XKR9: variants seen among roughly 807,000 people sequenced by gnomAD.
XKR9 encodes the protein XK related 9.
In XKR9, 32 loss-of-function variants were observed where a neutral mutation model predicts 32.0. That is an observed-to-expected ratio of 1.00 (90% confidence interval 0.76 to 1.34). The LOEUF (loss-of-function observed/expected upper bound fraction) is 1.34. Ranked by LOEUF, XKR9 falls within the 40% of genes most tolerant of loss-of-function variation. The probability of loss-of-function intolerance (pLI) is 0.00; values close to 1 mark genes in which losing one functional copy is unlikely to be tolerated. For missense variants in XKR9, 546 were observed against 429.7 expected, an observed-to-expected ratio of 1.27 and a Z score of -2.39; for synonymous variants, 168 against 143.4, an observed-to-expected ratio of 1.17 and a Z score of -1.22.
chr8:70,971,449 A>G, the XKR9 span, among the ~76,000 whole-genome samples: 2 of 152,278 alleles, frequency 1.3e-5, no homozygotes, highest in Admixed American at 1.3e-4. Context: ...TTTGCTGTGC[A>G]GAAAGTTTTC....
the XKR9 span, among the ~76,000 whole-genome samples, chr8:71,045,129 A>G: frequency 6.6e-6 from 1 of 152,164 alleles, no homozygotes. Context: ...ATACTCTTTT[A>G]TTTCCAACAC....
chr8:70,845,288 T>C, the XKR9 span, among the ~76,000 whole-genome samples: 1 of 152,304 alleles, frequency 6.6e-6, no homozygotes, highest in African/African-American at 2.4e-5. Flanking sequence ...CAGGAAAAAG[T>C]CATCCCCTGT....
chr8:70,886,422 G>T, the XKR9 span, among the ~76,000 whole-genome samples: 1 of 152,150 alleles, frequency 6.6e-6, no homozygotes, highest in Admixed American at 6.5e-5. Context: ...GGGTTGCTGG[G>T]TCAAATGGTA....
At chr8:70,897,762 G>T in the XKR9 span, among the ~76,000 whole-genome samples, 1 of 151,970 alleles carries the variant, frequency 6.6e-6, no homozygotes, top group Non-Finnish European at 1.5e-5. Context: ...GAGCTATTCT[G>T]GTTATTACTC....
chr8:70,718,231 G>T (rs1001783350), intron 4 of XKR9, among the ~76,000 whole-genome samples: 4 of 151,930 alleles, frequency 2.6e-5, no homozygotes, highest in African/African-American at 9.7e-5. Flanking sequence ...CTGTTACCCA[G>T]TTCCAAAGTC....
At chr8:70,704,420 G>T (rs13252808) in intron 3 of XKR9, among the ~76,000 whole-genome samples, 5 of 151,862 alleles carry the variant, frequency 3.3e-5, no homozygotes, top group African/African-American at 7.3e-5. Flanking sequence ...TTGTTTTTAA[G>T]AGACACTTAA....
the XKR9 span, among the ~76,000 whole-genome samples, chr8:70,971,918 G>A: frequency 6.6e-6 from 1 of 151,980 alleles, no homozygotes; most frequent in African/African-American, 2.4e-5. Flanking sequence ...TGTTCTTTTT[G>A]GTTAGTATTG....
chr8:70,741,162 C>G (rs1806967526), intron 2 of XKR9, among the ~76,000 whole-genome samples: 2 of 152,146 alleles, frequency 1.3e-5, no homozygotes, highest in South Asian at 4.1e-4. Context: ...CCTAAGCAAG[C>G]CTGGGCAATG....
chr8:70,683,058 T>C (rs1819138269), intron 3 of XKR9, among the ~76,000 whole-genome samples: 1 of 152,236 alleles, frequency 6.6e-6, no homozygotes, highest in East Asian at 1.9e-4. Context: ...AACCTCTTGT[T>C]CTGAGTAATA....
At chr8:70,824,752 T>A in the XKR9 span, among the ~76,000 whole-genome samples, 2 of 152,170 alleles carry the variant, frequency 1.3e-5, no homozygotes, top group African/African-American at 4.8e-5. Context: ...AAATAGTGTC[T>A]AGTGAATATC....
At position 70,681,312 on chromosome 8, in the gene XKR9, A is replaced by G. The variant is rs748250359; in HGVS notation, c.254A>G (p.Gln85Arg). ...TGTTTTCTTCTACTTCATTGCTTGC[A>G]AGGAGGAGTTTTTACAAGGTGAGCA... Reference protein sequence around the residue: ...QHCFLLLHCLQGGVFTRYWFA... With the variant: ...QHCFLLLHCLRGGVFTRYWFA... Residue 85 changes from glutamine to arginine, a missense_variant, in exon 3 of 5, where the codon CAA becomes CGA. Gln to Arg is a conservative substitution (Grantham distance 43). Coordinates refer to ENST00000408926, the MANE Select transcript of XKR9 (RefSeq NM_001011720.2). 3 of 1,612,214 alleles carry G rather than the reference A, an allele frequency of 1.9e-6. No individual in the cohort carries two copies. The highest frequency in any genetic ancestry group is 2.2e-5 in the East Asian group (1 of 44,760).
chr8:70,883,578 C>T, the XKR9 span, among the ~76,000 whole-genome samples: 1 of 152,052 alleles, frequency 6.6e-6, no homozygotes, highest in Non-Finnish European at 1.5e-5. Context: ...AACCACTGAT[C>T]TTTCCATTGT....
chr8:70,771,085 C>T (rs977329832), intron 2 of XKR9, among the ~76,000 whole-genome samples: 7 of 152,168 alleles, frequency 4.6e-5, no homozygotes, highest in East Asian at 1.9e-4. Flanking sequence ...TTGCAAAAAC[C>T]GTGGGAAAAG....
the XKR9 span, among the ~76,000 whole-genome samples, chr8:70,846,269 TCAC>T: frequency 6.6e-6 from 1 of 152,194 alleles, no homozygotes; most frequent in South Asian, 2.1e-4. Flanking sequence ...AGGGAATTTC[TCAC>T]CACTAGACTG....
chr8:71,032,307 A>AAC, the XKR9 span, among the ~76,000 whole-genome samples: 2 of 147,826 alleles, frequency 1.4e-5, no homozygotes, highest in African/African-American at 5.1e-5. Context: ...AAAAAAAAAA[A>AAC]ACCACTTTGG....
At chr8:70,846,052 A>C in the XKR9 span, among the ~76,000 whole-genome samples, 5 of 152,168 alleles carry the variant, frequency 3.3e-5, no homozygotes, top group Non-Finnish European at 7.4e-5. Flanking sequence ...ACAGCAAGGG[A>C]AAAGCATCTA....
chr8:70,804,148 A>G, the XKR9 span, among the ~76,000 whole-genome samples: 1 of 152,248 alleles, frequency 6.6e-6, no homozygotes, highest in Non-Finnish European at 1.5e-5. Context: ...TAGGAGGCTG[A>G]GCCCTCTGGC....
chr8:70,990,763 GAGAGAA>G, the XKR9 span, among the ~76,000 whole-genome samples: 10 of 148,662 alleles, frequency 6.7e-5, no homozygotes, highest in Non-Finnish European at 1.0e-4. Flanking sequence ...GAGAGAGAGA[GAGAGAA>G]AGAGAGAGAG....
At chr8:70,800,562 T>C in the XKR9 span, among the ~76,000 whole-genome samples, 1 of 152,194 alleles carries the variant, frequency 6.6e-6, no homozygotes, top group Non-Finnish European at 1.5e-5. Context: ...TGTGGCTTAC[T>C]GAAACCTTTG....
Sources: gnomAD v4.1 joint callset for allele counts (sites outside exome capture counted in the v4.1 genomes callset) on GRCh38, gnomAD v4.1.1 for gene constraint, MANE v1.5 for transcripts, NCBI Gene and HGNC (gene_info 2026-07-23, HGNC 2026-07-21) for gene names.